NTAQ1: variants seen among roughly 807,000 people sequenced by gnomAD.
NTAQ1 encodes protein N-terminal glutamine amidohydrolase.
A neutral mutation model predicts 28.2 loss-of-function variants in NTAQ1; 21 were observed. That is an observed-to-expected ratio of 0.74 (90% CI 0.53 to 1.07). The LOEUF (loss-of-function observed/expected upper bound fraction) is 1.07. Among genes scored for constraint, NTAQ1 ranks in the 50% least tolerant of loss-of-function variants. The probability of loss-of-function intolerance (pLI) is 0.00; values close to 1 mark genes in which losing one functional copy is unlikely to be tolerated. For synonymous variants in NTAQ1, 105 were observed against 90.0 expected (o/e 1.17, Z -0.94); for missense variants, 264 against 256.6 (o/e 1.03, Z -0.20).
chr8:123,451,298 A>G (rs1815484151), downstream of NTAQ1, among the ~76,000 whole-genome samples: 1 of 152,170 alleles, frequency 6.6e-6, no homozygotes, highest in Non-Finnish European at 1.5e-5. Context: ...AGTTATCACT[A>G]ACTGAAATGA....
At chr8:123,425,718 T>G (rs1227093787) in intron 1 of NTAQ1, among the ~76,000 whole-genome samples, 1 of 152,068 alleles carries the variant, frequency 6.6e-6, no homozygotes. Context: ...GTGGATGAAA[T>G]TAGGCTTTGG....
intron 3 of NTAQ1, among the ~76,000 whole-genome samples, chr8:123,433,571 C>T (rs1036384364): frequency 6.6e-6 from 1 of 152,192 alleles, no homozygotes; most frequent in East Asian, 1.9e-4. Context: ...CCTCAGCCTC[C>T]TGAGTAGCTG....
chr8:123,434,497 C>T (rs559934698), intron 3 of NTAQ1, among the ~76,000 whole-genome samples: 4 of 152,016 alleles, frequency 2.6e-5, no homozygotes, highest in African/African-American at 7.2e-5. Context: ...TGTGGTGGCG[C>T]GCCTGTAATC....
intron 3 of NTAQ1, among the ~76,000 whole-genome samples, chr8:123,430,670 A>G (rs1393442449): frequency 6.6e-6 from 1 of 152,124 alleles, no homozygotes; most frequent in Non-Finnish European, 1.5e-5. Context: ...AGTCCCAGCT[A>G]CTCGGGAGGT....
At chr8:123,432,955 C>T (rs373578331) in intron 3 of NTAQ1, among the ~76,000 whole-genome samples, 8 of 152,298 alleles carry the variant, frequency 5.3e-5, no homozygotes, top group African/African-American at 1.7e-4. Context: ...GCTGGGAGTA[C>T]AGGCGTGAGC....
At position 123,431,325 on chromosome 8, in the gene NTAQ1, G is replaced by A. The variant is rs1195139463; in HGVS notation, c.234+1292G>A. Among the ~76,000 whole-genome samples, 84 of 95,138 alleles carry A rather than the reference G, an allele frequency of 8.8e-4. No homozygotes were observed. The East Asian group carries it at 0.019, about 22-fold the overall frequency. The allele number at this position is 95,138 out of a possible 152,430, so 62.4% of individuals were successfully genotyped here. On this transcript the variant is annotated intron_variant, in intron 3 of 5. Transcript: ENST00000287387. Reference sequence around the variant, plus strand: ...GCATTCCAGCCTGGGCAAAAAGAATGAAACTCCATATCAAAAAAAAAAAAA... The same window carrying A: ...GCATTCCAGCCTGGGCAAAAAGAATAAAACTCCATATCAAAAAAAAAAAAA...
intron 6 of NTAQ1, among the ~76,000 whole-genome samples, chr8:123,462,461 T>G (rs772812417): frequency 9.2e-5 from 14 of 152,210 alleles, no homozygotes; most frequent in Non-Finnish European, 1.5e-4. Context: ...CAGTAGTTTT[T>G]GAAGTACACA....
At chr8:123,444,055 C>T (rs199794426), downstream of NTAQ1, among the ~76,000 whole-genome samples, 83 of 132,848 alleles carry the variant, frequency 6.2e-4, no homozygotes, top group Admixed American at 6.0e-4. Flanking sequence ...TAAACTTTTT[C>T]TTTTTTTTTT....
chr8:123,438,639 T>G (rs374137487), intron 5 of NTAQ1, among the ~76,000 whole-genome samples: 1 of 145,162 alleles, frequency 6.9e-6, no homozygotes, highest in South Asian at 2.2e-4. Flanking sequence ...ACCACTGCAC[T>G]CCAGCCTGAG....
At chr8:123,422,282 G>GTT (rs35588966) in intron 1 of NTAQ1, among the ~76,000 whole-genome samples, 31 of 145,398 alleles carry the variant, frequency 2.1e-4, no homozygotes, top group Admixed American at 2.1e-4. Context: ...TTTGTTTTGG[G>GTT]TTTTTTTTTT....
downstream of NTAQ1, among the ~76,000 whole-genome samples, chr8:123,443,161 A>G (rs1586956368): frequency 2.0e-5 from 3 of 152,040 alleles, no homozygotes; most frequent in Admixed American, 6.6e-5. Flanking sequence ...CTGGGATTAC[A>G]GGTGTGTACC....
intron 1 of NTAQ1, among the ~76,000 whole-genome samples, chr8:123,418,365 C>T (rs1414494366): frequency 6.6e-6 from 1 of 151,386 alleles, no homozygotes; most frequent in African/African-American, 2.4e-5. Context: ...GCAGGAAAAT[C>T]GCTTGAACCT....
intron 6 of NTAQ1, among the ~76,000 whole-genome samples, chr8:123,457,771 C>T (rs1056106320): frequency 1.3e-5 from 2 of 151,860 alleles, no homozygotes; most frequent in Admixed American, 6.6e-5. Context: ...CAGTGGCTCA[C>T]GCCTGTAATC....
downstream of NTAQ1, among the ~76,000 whole-genome samples, chr8:123,474,625 C>T (rs2130453495): frequency 6.6e-6 from 1 of 152,312 alleles, no homozygotes; most frequent in East Asian, 1.9e-4. Context: ...GCAAATATTG[C>T]CAGGCGTGGT....
chr8:123,421,105 A>G (rs1432587576), intron 1 of NTAQ1, among the ~76,000 whole-genome samples: 2 of 149,144 alleles, frequency 1.3e-5, no homozygotes, highest in African/African-American at 5.0e-5. Flanking sequence ...TTTTTTTGAG[A>G]CAGAATCTCA....
At position 123,416,948 on chromosome 8, in the gene NTAQ1, C is replaced by G. The variant is rs770526829; in HGVS notation, c.83+16C>G. 1 of 1,470,740 alleles carries G rather than the reference C, an allele frequency of 6.8e-7. No individual in the cohort carries two copies. The highest frequency in any genetic ancestry group is 1.3e-5 in the South Asian group (1 of 77,236). 91.1% of individuals were successfully genotyped at this position (1,470,740 alleles called of 1,614,324 possible). On this transcript the variant is annotated intron_variant, in intron 1 of 5. Transcript: ENST00000287387. ...GCTGCTACTGGTGAGGGGGCGCGGG[C>G]GCAGCCTCTGGGTCTCCCAGGCTCC...
At chr8:123,461,111 C>T (rs1033570136) in intron 6 of NTAQ1, among the ~76,000 whole-genome samples, 23 of 152,284 alleles carry the variant, frequency 1.5e-4, no homozygotes, top group South Asian at 6.2e-4. Flanking sequence ...CTTGGGCAGG[C>T]GGGAAGCATG....
intron 1 of NTAQ1, among the ~76,000 whole-genome samples, chr8:123,422,282 G>GTTTTT (rs35588966): frequency 2.8e-5 from 4 of 145,408 alleles, no homozygotes; most frequent in Non-Finnish European, 4.5e-5. Context: ...TTTGTTTTGG[G>GTTTTT]TTTTTTTTTT....
intron 6 of NTAQ1, among the ~76,000 whole-genome samples, chr8:123,461,735 A>C (rs1815829784): frequency 6.6e-6 from 1 of 152,192 alleles, no homozygotes; most frequent in African/African-American, 2.4e-5. Flanking sequence ...CAGCGAGTAG[A>C]TGCTTAATAA....
Sources: gnomAD v4.1 joint callset for allele counts (sites outside exome capture counted in the v4.1 genomes callset) on GRCh38, gnomAD v4.1.1 for gene constraint, MANE v1.5 for transcripts, NCBI Gene and HGNC (gene_info 2026-07-23, HGNC 2026-07-21) for gene names.